The following RHD variants were observed in gnomAD, a reference collection of about 807,000 sequenced individuals.
RHD encodes the protein blood group Rh(D) polypeptide.
RHD carries 16 observed loss-of-function variants against 45.5 expected under a neutral mutation model. The ratio of observed to expected loss-of-function variants is 0.35; its 90% CI spans 0.24 to 0.53. RHD has a LOEUF of 0.53. Ranked by LOEUF, RHD falls within the 20% of genes least tolerant of loss-of-function variation. The pLI is 0.92. For missense variants in RHD, 306 were observed against 532.0 expected, an observed-to-expected ratio of 0.58 and a Z score of 4.18; for synonymous variants, 131 against 217.5, an observed-to-expected ratio of 0.60 and a Z score of 3.50.
chr1:25,283,512 C>T lies in RHD; in HGVS notation c.149-1061C>T, dbSNP rs1180670688. Among the ~76,000 whole-genome samples the T allele has an allele frequency of 2.4e-5, 3 of 126,000 alleles. 1 individual carries two copies. The highest frequency in any genetic ancestry group is 5.5e-5 in the Non-Finnish European group (3 of 54,816). The allele number at this position is 126,000 out of a possible 152,430, so 82.7% of individuals were successfully genotyped here. A position where few individuals can be genotyped will look rare whatever the true frequency, so the allele number is the denominator to read the frequency against. On this transcript the variant is annotated intron_variant, in intron 1 of 9. Transcript: ENST00000328664. ...TGCCACTGTACTCCAGCCTGGGTGA[C>T]GAGTGAAACTCTATCTCGATATTAA...
In RHD at chr1:25,316,111, G is replaced by T. The variant is rs149210228; in HGVS notation, c.1074-889G>T. Among the ~76,000 whole-genome samples the T allele has an allele frequency of 1.2e-4, 16 of 131,374 alleles. 1 individual carries two copies. Among genetic ancestry groups the T allele is most frequent in the East Asian group, 3.9e-4 (2 of 5,118 alleles). 86.2% of individuals were successfully genotyped at this position (131,374 alleles called of 152,430 possible). Reference sequence around the variant, plus strand: ...AACGGGCTGGCAGTGCCCAGGTGCAGGCTGAACCCTGGGACAATCACATTC... The same window carrying T: ...AACGGGCTGGCAGTGCCCAGGTGCATGCTGAACCCTGGGACAATCACATTC... On this transcript the variant is annotated intron_variant, in intron 7 of 9. Transcript: ENST00000328664.
chr1:25,275,957 T>G (rs1241893281), intron 1 of RHD, among the ~76,000 whole-genome samples: 3 of 132,750 alleles, frequency 2.3e-5, no homozygotes, highest in African/African-American at 7.7e-5. Context: ...TCTGCACGAG[T>G]TGGTTAAGCC....
At position 25,303,738 on chromosome 1, in the gene RHD, G is replaced by A. The variant is rs1267838269; in HGVS notation, c.939+279G>A. Among the ~76,000 whole-genome samples, 7 of 131,768 alleles carry A rather than the reference G, an allele frequency of 5.3e-5. 3 individuals are homozygous for A. Among genetic ancestry groups the A allele is most frequent in the Non-Finnish European group, 9.0e-5 (5 of 55,670 alleles). The allele number at this position is 131,768 out of a possible 152,430, so 86.4% of individuals were successfully genotyped here. A position where few individuals can be genotyped will look rare whatever the true frequency, so the allele number is the denominator to read the frequency against. On this transcript the variant is annotated intron_variant, in intron 6 of 9. Transcript: ENST00000328664. ...ACAGAACTCAAGGACAGGGACTGGA[G>A]TGTTGTGGGGAGCCCCGAAGCCCCT...
At position 25,279,072 on chromosome 1, in the gene RHD, G is replaced by C. The variant is rs185690508; in HGVS notation, c.149-5501G>C. The stretch of plus-strand genomic sequence containing the variant: ...GGAGGGGGCGCAGATCCAGAATCAC[G>C]GAGGCAGCTGACCGGAGGAGGCAGC... On this transcript the variant is annotated intron_variant, in intron 1 of 9. Transcript: ENST00000328664. Among the ~76,000 whole-genome samples the C allele has an allele frequency of 1.2e-4, 15 of 128,886 alleles. 2 individuals carry two copies. Among genetic ancestry groups the C allele is most frequent in the African/African-American group, 3.8e-4 (14 of 36,818 alleles). The allele number at this position is 128,886 out of a possible 152,430, so 84.6% of individuals were successfully genotyped here.
Position 25,306,822 on chromosome 1 carries a change from C to T in RHD, c.1073+93C>T, listed in dbSNP as rs766831672. On this transcript the variant is annotated intron_variant, in intron 7 of 9. Coordinates refer to ENST00000328664, the MANE Select transcript of RHD (RefSeq NM_016124.6). Reference sequence around the variant, plus strand: ...AGTCCTTAGCTGGGGCGTGTGCACTCGGGGCCAGGTGCTCAGTAGGCTTCG... The same window carrying T: ...AGTCCTTAGCTGGGGCGTGTGCACTTGGGGCCAGGTGCTCAGTAGGCTTCG... The T allele has an allele frequency of 1.7e-5, 19 of 1,136,202 alleles. 4 individuals carry two copies. The highest frequency in any genetic ancestry group is 3.0e-5 in the African/African-American group (2 of 66,434). The allele number at this position is 1,136,202 out of a possible 1,614,324, so 70.4% of individuals were successfully genotyped here.
At chr1:25,314,438 T>C (rs570519463) in intron 7 of RHD, among the ~76,000 whole-genome samples, 1 of 133,172 alleles carries the variant, frequency 7.5e-6, no homozygotes, top group East Asian at 1.9e-4. Flanking sequence ...CTTATTGATT[T>C]GTAGGAATTC....
rs1641791699 is a variant in RHD at position 25,284,572 on chromosome 1, G to C, written c.149-1G>C. The C allele has an allele frequency of 7.2e-7, 1 of 1,388,924 alleles. No homozygotes were observed. The highest frequency in any genetic ancestry group is 1.4e-5 in the African/African-American group (1 of 71,452). 86.0% of individuals were successfully genotyped at this position (1,388,924 alleles called of 1,614,324 possible). The stretch of plus-strand genomic sequence containing the variant: ...CTTCTCGCCATCTCCCCACCGAGCA[G>C]TTGGCCAAGATCTGACCGTGATGGC... On this transcript the variant is annotated splice_acceptor_variant, in intron 1 of 9. Coordinates refer to ENST00000328664, the MANE Select transcript of RHD (RefSeq NM_016124.6). LOFTEE classifies it high-confidence loss of function.
At chr1:25,322,338 C>G (rs1204764931) in intron 9 of RHD, among the ~76,000 whole-genome samples, 2 of 132,574 alleles carry the variant, frequency 1.5e-5, no homozygotes, top group Admixed American at 7.3e-5. Flanking sequence ...AGTCCAACCC[C>G]TTTTTTGACA....
chr1:25,301,387 G>C (rs1277043311), intron 4 of RHD, 133 bp from the exon 5 acceptor site: 1 of 890,394 alleles, frequency 1.1e-6, no homozygotes, highest in African/African-American at 1.7e-5. Flanking sequence ...GAGGGGAGAC[G>C]TGACTTCCCC....
At chr1:25,319,595 C>T (rs1644588591) in intron 8 of RHD, among the ~76,000 whole-genome samples, 1 of 131,976 alleles carries the variant, frequency 7.6e-6, no homozygotes, top group African/African-American at 2.6e-5. Flanking sequence ...GACAACAGAG[C>T]AAGACCCTGT....
intron 2 of RHD, 87 bp from the exon 3 acceptor site, chr1:25,290,554 A>AGAATGAATGAATGAATGAAT (rs112473736): frequency 9.1e-7 from 1 of 1,095,358 alleles, no homozygotes; most frequent in African/African-American, 1.6e-5. Context: ...GTTTGTTGAA[A>AGAATGAATGAATGAATGAAT]GAATGAATGA....
chr1:25,284,147 G>C (rs1338403037), intron 1 of RHD, among the ~76,000 whole-genome samples: 2 of 136,146 alleles, frequency 1.5e-5, no homozygotes, highest in Admixed American at 1.4e-4. Context: ...CTTGGCTTCT[G>C]TGGCTTCATT....
chr1:25,318,382 G>C (rs528240833), intron 8 of RHD: 1 of 131,710 alleles, frequency 7.6e-6, no homozygotes, highest in East Asian at 2.0e-4. Flanking sequence ...GAGGTCAGGA[G>C]TTCGAGACCA....
rs769626782 is a variant in RHD, at chr1:25,272,679, C to T, written c.132C>T (p.Leu44=). 25 of 1,551,388 alleles carry T rather than the reference C, an allele frequency of 1.6e-5. 1 individual carries two copies. The highest frequency in any genetic ancestry group is 5.2e-5 in the Admixed American group (3 of 57,882). Residue 44 remains leucine (L), a synonymous_variant, in exon 1 of 10, where the codon CTC becomes CTT. Transcript: ENST00000328664. ...CTTCCTTAGAGGATCAAAAGGGGCT[C>T]GTGGCATCCTATCAAGGTGAGAGTT... is the stretch of plus-strand genomic sequence containing the variant. ...YDASLEDQKG[L]VASYQVGQDL... is the part of the protein sequence containing the mutation.
At position 25,311,023 on chromosome 1, in the gene RHD, G is replaced by A. The variant is rs1378221094; in HGVS notation, c.1073+4294G>A. On this transcript the variant is annotated intron_variant, in intron 7 of 9. Transcript: ENST00000328664. ...AGAATGGAGCATTAAAGACAGTTCT[G>A]CAGTTCTGGTGAGGGCTTAAAGGAA... 1.7e-4 allele frequency among the ~76,000 whole-genome samples: 22 copies of A among 130,244 alleles called. 3 individuals are homozygous for A. The highest frequency in any genetic ancestry group is 3.7e-4 in the Admixed American group (5 of 13,412). The allele number at this position is 130,244 out of a possible 152,430, so 85.4% of individuals were successfully genotyped here. A position where few individuals can be genotyped will look rare whatever the true frequency, so the allele number is the denominator to read the frequency against.
rs1301052762 is a variant in RHD, at chr1:25,289,020, G to C, written c.336-1621G>C. ...GGGCATAGTCTGCAGCAAACACTGG[G>C]GAAGCTGAGTCCAGACTTCAGAGCA... On this transcript the variant is annotated intron_variant, in intron 2 of 9. Transcript: ENST00000328664. Among the ~76,000 whole-genome samples, 4 of 133,684 alleles carry C rather than the reference G, an allele frequency of 3.0e-5. 1 individual carries two copies. The highest frequency in any genetic ancestry group is 1.5e-4 in the Admixed American group (2 of 13,754). 87.7% of individuals were successfully genotyped at this position (133,684 alleles called of 152,430 possible).
At position 25,274,924 on chromosome 1, in the gene RHD, G is replaced by T. The variant is rs181698633; in HGVS notation, c.148+2229G>T. On this transcript the variant is annotated intron_variant, in intron 1 of 9. Coordinates refer to ENST00000328664, the MANE Select transcript of RHD (RefSeq NM_016124.6). ...TGGGAGGCCATTACACTCCAGCCTG[G>T]GCGCCAGAGTGAGACTTCATCTCAA... Among the ~76,000 whole-genome samples the T allele has an allele frequency of 3.8e-5, 5 of 131,296 alleles. No homozygotes were observed. The East Asian group carries it at 9.8e-4, about 26-fold the overall frequency. 86.1% of individuals were successfully genotyped at this position (131,296 alleles called of 152,430 possible). A position where few individuals can be genotyped will look rare whatever the true frequency, so the allele number is the denominator to read the frequency against.
chr1:25,285,711 A>T (rs1179801621), intron 2 of RHD, among the ~76,000 whole-genome samples: 1 of 135,320 alleles, frequency 7.4e-6, no homozygotes, highest in African/African-American at 2.6e-5. Context: ...ACATCAAGCT[A>T]TACACGTTTT....
chr1:25,300,846 C>A, intron 3 of RHD, 100 bp from the exon 4 acceptor site: 2 of 1,240,394 alleles, frequency 1.6e-6, no homozygotes, highest in Non-Finnish European at 2.3e-6. Flanking sequence ...CTTCAAGTCA[C>A]ACCTCCTAAG....
Sources: gnomAD v4.1 joint callset for allele counts (sites outside exome capture counted in the v4.1 genomes callset) on GRCh38, gnomAD v4.1.1 for gene constraint, MANE v1.5 for transcripts, NCBI Gene and HGNC (gene_info 2026-07-23, HGNC 2026-07-21) for gene names.